WDR27: variants seen among roughly 807,000 people sequenced by gnomAD.
WDR27 encodes the protein WD repeat domain 27.
A neutral mutation model predicts 114.4 loss-of-function variants in WDR27; 100 were observed. That is an observed-to-expected ratio of 0.87 (90% CI 0.74 to 1.03). WDR27 has a LOEUF of 1.03. Among genes scored for constraint, WDR27 ranks in the 50% least tolerant of loss-of-function variants. The probability of loss-of-function intolerance (pLI) is 0.00; values close to 1 mark genes in which losing one functional copy is unlikely to be tolerated. For missense variants in WDR27, 1,129 were observed against 1,092.9 expected (o/e 1.03, Z -0.47); for synonymous variants, 449 against 423.1 (o/e 1.06, Z -0.75).
chr6:169,626,049 G>A (rs1288529937), intron 21 of WDR27, among the ~76,000 whole-genome samples: 1 of 152,244 alleles, frequency 6.6e-6, no homozygotes, highest in Non-Finnish European at 1.5e-5. Context: ...GGGTCTGCAT[G>A]CAGCCTCGGG....
At chr6:169,514,563 T>TATAG (rs1229340067) in intron 25 of WDR27, among the ~76,000 whole-genome samples, 2 of 147,302 alleles carry the variant, frequency 1.4e-5, no homozygotes, top group Non-Finnish European at 3.0e-5. Context: ...ATATATAAAA[T>TATAG]ATAGATATTA....
chr6:169,430,663 A>C, the WDR27 span, among the ~76,000 whole-genome samples: 1 of 152,232 alleles, frequency 6.6e-6, no homozygotes, highest in Admixed American at 6.5e-5. Flanking sequence ...ACGAGGCTCC[A>C]CTTGTCAGGG....
chr6:169,701,983 C>A lies in WDR27; in HGVS notation c.-440G>T, dbSNP rs1248195737. On this transcript the variant is annotated 5_prime_UTR_variant, in exon 1 of 26. Transcript: ENST00000448612. ...ACCGAGCCACACTCCGCCCCACGCT[C>A]GCCGCTATGGTTACTTGCCAGCCGA... is the stretch of plus-strand genomic sequence containing the variant. 5.0e-6 allele frequency: 2 copies of A among 400,260 alleles called. No homozygotes were observed. Among genetic ancestry groups the A allele is most frequent in the Non-Finnish European group, 1.0e-5 (2 of 197,084 alleles). 24.8% of individuals were successfully genotyped at this position (400,260 alleles called of 1,614,324 possible).
chr6:169,663,239 G>A (rs1826830989), intron 8 of WDR27, among the ~76,000 whole-genome samples: 1 of 150,046 alleles, frequency 6.7e-6, no homozygotes, highest in Non-Finnish European at 1.5e-5. Context: ...TCCTTCAGCA[G>A]TAGATATTAT....
chr6:169,477,207 T>C (rs1201448947), intron 25 of WDR27, among the ~76,000 whole-genome samples: 2 of 152,230 alleles, frequency 1.3e-5, no homozygotes, highest in Non-Finnish European at 2.9e-5. Context: ...TCAAGATGCA[T>C]TTTAAGAGCA....
intron 15 of WDR27, 95 bp downstream of exon 15, chr6:169,649,103 T>C: frequency 1.0e-6 from 1 of 1,003,354 alleles, no homozygotes; most frequent in South Asian, 1.4e-5. Flanking sequence ...TGTACACATA[T>C]AAGGTTTTAT....
At position 169,638,340 on chromosome 6, in the gene WDR27, A is replaced by AAAAAAAAG. The variant is rs1562774666; in HGVS notation, c.1869+198_1869+199insCTTTTTTT. On this transcript the variant is annotated intron_variant, in intron 18 of 25. Transcript: ENST00000448612. ...TCCGTCTCAAAAAAAAAAAAAAAAA[A>AAAAAAAAG]AAAAAAAAAAAGAAACTAATCAATA... is the stretch of plus-strand genomic sequence containing the variant. Among the ~76,000 whole-genome samples the AAAAAAAAG allele has an allele frequency of 6.4e-5, 9 of 140,054 alleles. 1 individual carries two copies. Among genetic ancestry groups the AAAAAAAAG allele is most frequent in the East Asian group, 6.3e-4 (2 of 3,162 alleles). 91.9% of individuals were successfully genotyped at this position (140,054 alleles called of 152,430 possible). A position where few individuals can be genotyped will look rare whatever the true frequency, so the allele number is the denominator to read the frequency against.
At chr6:169,605,067 T>C (rs1302982321) in intron 22 of WDR27, among the ~76,000 whole-genome samples, 5 of 134,870 alleles carry the variant, frequency 3.7e-5, no homozygotes. Context: ...CCACCATTTC[T>C]GTTCAATATA....
chr6:169,656,386 G>A (rs116222658), intron 13 of WDR27, among the ~76,000 whole-genome samples: 3,127 of 152,248 alleles, frequency 0.021, 55 homozygotes, highest in African/African-American at 0.057. Context: ...CTTTGGTTTG[G>A]AGGTTGGGTT....
At chr6:169,456,761 A>G (rs1001435337), downstream of WDR27, among the ~76,000 whole-genome samples, 1 of 151,758 alleles carries the variant, frequency 6.6e-6, no homozygotes, top group Non-Finnish European at 1.5e-5. This position sits in a 1 kb window ranked among gnomAD's most constrained non-coding sequence, Gnocchi z 4.0. Context: ...GTCACCACAC[A>G]GAACCCACGG....
At chr6:169,458,006 AGG>A (rs1784476183) in intron 25 of WDR27, among the ~76,000 whole-genome samples, 2 of 139,874 alleles carry the variant, frequency 1.4e-5, no homozygotes, top group Non-Finnish European at 3.1e-5. Flanking sequence ...GAGGAGGAGG[AGG>A]TGGTGGTGGT....
chr6:169,526,100 T>C (rs1218479542), intron 25 of WDR27, among the ~76,000 whole-genome samples: 2 of 152,084 alleles, frequency 1.3e-5, no homozygotes, highest in South Asian at 2.1e-4. Context: ...AGGGGAATGA[T>C]GAGAAATCAA....
At chr6:169,662,974 GCA>G (rs1826741794) in intron 8 of WDR27, among the ~76,000 whole-genome samples, 1 of 149,756 alleles carries the variant, frequency 6.7e-6, no homozygotes, top group African/African-American at 2.5e-5. Flanking sequence ...GTAACACCCA[GCA>G]TGACGCGTGT....
chr6:169,437,004 G>A, the WDR27 span, among the ~76,000 whole-genome samples: 1 of 152,094 alleles, frequency 6.6e-6, no homozygotes, highest in Non-Finnish European at 1.5e-5. Flanking sequence ...AATATATGTA[G>A]TTCCATATAC....
At chr6:169,429,202 G>A in the WDR27 span, among the ~76,000 whole-genome samples, 3 of 152,136 alleles carry the variant, frequency 2.0e-5, no homozygotes, top group Non-Finnish European at 4.4e-5. Flanking sequence ...GCTTTGTCCT[G>A]TCCACAGGCC....
chr6:169,660,611 C>T (rs951942203), intron 10 of WDR27, 52 bp downstream of exon 10: 56 of 1,466,056 alleles, frequency 3.8e-5, no homozygotes, highest in Non-Finnish European at 5.2e-5. Flanking sequence ...ACCCCACATA[C>T]CAGTCAAAGG....
At chr6:169,696,541 C>T (rs1786052154) in intron 1 of WDR27, among the ~76,000 whole-genome samples, 1 of 152,208 alleles carries the variant, frequency 6.6e-6, no homozygotes, top group Admixed American at 6.5e-5. Context: ...TCAGAGAGCC[C>T]ACGGTCATAG....
intron 13 of WDR27, among the ~76,000 whole-genome samples, chr6:169,654,543 A>G (rs1017737958): frequency 6.6e-6 from 1 of 152,258 alleles, no homozygotes; most frequent in African/African-American, 2.4e-5. Context: ...ACTGGTTGCC[A>G]GACGGCTCAG....
At chr6:169,498,769 T>C (rs901440782) in intron 25 of WDR27, among the ~76,000 whole-genome samples, 2 of 152,156 alleles carry the variant, frequency 1.3e-5, no homozygotes, top group Non-Finnish European at 2.9e-5. Context: ...ATGACATTCT[T>C]AACAAAATTA....
Sources: allele counts gnomAD v4.1 joint callset (sites outside exome capture counted in the v4.1 genomes callset), GRCh38; gene constraint gnomAD v4.1.1; non-coding constraint Gnocchi (gnomAD v3.1); transcripts MANE v1.5; gene names NCBI Gene and HGNC (gene_info 2026-07-23, HGNC 2026-07-21).